The following CNTN5 variants were observed in gnomAD, a reference collection of about 807,000 sequenced individuals.
The protein encoded by CNTN5 is contactin-5.
CNTN5 carries 77 observed loss-of-function variants against 129.1 expected under a neutral mutation model. The observed-to-expected ratio is 0.60, with a 90% CI of 0.50 to 0.72. CNTN5 has a LOEUF of 0.72. Ranked by LOEUF, CNTN5 falls within the 30% of genes least tolerant of loss-of-function variation. The pLI is 0.00. For missense variants in CNTN5, 1,478 were observed against 1,328.8 expected (o/e 1.11, Z -1.75); for synonymous variants, 509 against 465.6 (o/e 1.09, Z -1.20).
At chr11:99,175,782 C>T (rs1857741406) in intron 1 of CNTN5, among the ~76,000 whole-genome samples, 1 of 152,054 alleles carries the variant, frequency 6.6e-6, no homozygotes, top group African/African-American at 2.4e-5. Context: ...TCTTTCTCAA[C>T]AATTTTAAAT....
At chr11:100,352,309 T>C (rs974691422) in intron 24 of CNTN5, among the ~76,000 whole-genome samples, 1 of 151,728 alleles carries the variant, frequency 6.6e-6, no homozygotes, top group African/African-American at 2.4e-5. Context: ...TGATAATTGA[T>C]AAGATTTGCA....
chr11:99,386,486 G>A lies in CNTN5; in HGVS notation c.-71+61002G>A, dbSNP rs190303460. 2.0e-4 allele frequency among the ~76,000 whole-genome samples: 30 copies of A among 152,078 alleles called. No individual in the cohort carries two copies. The East Asian group carries it at 4.7e-3, about 24-fold the overall frequency. The stretch of plus-strand genomic sequence containing the variant: ...ATTGCCATGGCATTTGTAAACTGTC[G>A]TGACACCGGTGGGAGTGTAGCAGTG... On this transcript the variant is annotated intron_variant, in intron 2 of 24. Coordinates refer to ENST00000524871, the MANE Select transcript of CNTN5 (RefSeq NM_014361.4).
At chr11:99,423,387 AG>A (rs1027272535) in intron 2 of CNTN5, among the ~76,000 whole-genome samples, 1 of 152,246 alleles carries the variant, frequency 6.6e-6, no homozygotes, top group African/African-American at 2.4e-5. Context: ...TACATTTCAA[AG>A]AGATGGCTCC....
chr11:99,992,602 TC>T (rs1350603442), intron 8 of CNTN5, among the ~76,000 whole-genome samples: 6 of 152,248 alleles, frequency 3.9e-5, no homozygotes, highest in African/African-American at 1.4e-4. Flanking sequence ...ATATTCATCA[TC>T]AGGCTTAGAG....
Position 100,299,204 on chromosome 11 carries a change from A to G in CNTN5, c.2428A>G (p.Ile810Val). The change falls in exon 20 of 25, where the codon ATT becomes GTT. Residue 810 changes from isoleucine (I) to valine (V), a missense_variant. Transcript: ENST00000524871. The part of the protein sequence containing the change: ...EFQNGEGFGY[I>V]VAFRPNGTRG... Reference sequence around the variant, plus strand: ...TCAGAATGGGGAAGGCTTCGGCTATATTGTGGCTTTCAGACCCAATGGAAC... The same window carrying G: ...TCAGAATGGGGAAGGCTTCGGCTATGTTGTGGCTTTCAGACCCAATGGAAC... The G allele has an allele frequency of 1.2e-6, 2 of 1,609,682 alleles. No individual in the cohort carries two copies. Among genetic ancestry groups the G allele is most frequent in the East Asian group, 2.2e-5 (1 of 44,734 alleles).
chr11:100,259,201 G>A (rs7116984), intron 17 of CNTN5, among the ~76,000 whole-genome samples: 2,787 of 151,996 alleles, frequency 0.018, 99 homozygotes, highest in African/African-American at 0.064. Flanking sequence ...GACAAAGAAG[G>A]GTATTACATA....
At chr11:99,904,447 C>T (rs1241706684) in intron 6 of CNTN5, among the ~76,000 whole-genome samples, 1 of 152,100 alleles carries the variant, frequency 6.6e-6, no homozygotes, top group African/African-American at 2.4e-5. Flanking sequence ...CAGCTTCATC[C>T]ATGTCCCTGC....
At chr11:99,083,003 G>A (rs554733990) in intron 1 of CNTN5, among the ~76,000 whole-genome samples, 2 of 151,074 alleles carry the variant, frequency 1.3e-5, no homozygotes, top group East Asian at 3.9e-4. Context: ...TCTTATTGAT[G>A]ATTTCCAAAA....
intron 17 of CNTN5, among the ~76,000 whole-genome samples, chr11:100,257,849 G>T (rs986926760): frequency 7.2e-4 from 110 of 152,214 alleles, no homozygotes; most frequent in African/African-American, 1.9e-3. Context: ...AGCACAAAAA[G>T]GCTGAAAATT....
intron 15 of CNTN5, among the ~76,000 whole-genome samples, chr11:100,209,017 A>G (rs975622190): frequency 1.3e-5 from 2 of 152,202 alleles, no homozygotes; most frequent in African/African-American, 4.8e-5. Context: ...ATTTCAAGAC[A>G]GGAATCTCCA....
intron 8 of CNTN5, among the ~76,000 whole-genome samples, chr11:99,994,029 A>T (rs9943548): frequency 0.26 from 39,670 of 151,998 alleles, 5,235 homozygotes; most frequent in East Asian, 0.37. Context: ...TCTTGGGGCC[A>T]GAAGTGAGGC....
At chr11:99,141,611 T>C (rs1591265280) in intron 1 of CNTN5, among the ~76,000 whole-genome samples, 1 of 152,316 alleles carries the variant, frequency 6.6e-6, no homozygotes, top group Non-Finnish European at 1.5e-5. Context: ...ATTTGAGATC[T>C]TTATAAATTT....
chr11:99,137,258 T>A (rs1323803262), intron 1 of CNTN5, among the ~76,000 whole-genome samples: 3 of 152,188 alleles, frequency 2.0e-5, no homozygotes, highest in African/African-American at 7.2e-5. Flanking sequence ...TTCTACTGTT[T>A]AAATTTAAGC....
chr11:100,142,336 A>C (rs1363768512), intron 13 of CNTN5, among the ~76,000 whole-genome samples: 2 of 152,072 alleles, frequency 1.3e-5, no homozygotes, highest in African/African-American at 4.8e-5. Context: ...CTGTCTGCCT[A>C]TCTGTCTATC....
At chr11:100,295,062 G>A (rs1951074071) in intron 18 of CNTN5, among the ~76,000 whole-genome samples, 1 of 151,514 alleles carries the variant, frequency 6.6e-6, no homozygotes, top group Non-Finnish European at 1.5e-5. Flanking sequence ...ATTATATCTA[G>A]TAAACTTTTT....
At chr11:99,841,461 G>T (rs1281272151) in intron 4 of CNTN5, among the ~76,000 whole-genome samples, 2 of 151,982 alleles carry the variant, frequency 1.3e-5, no homozygotes, top group Non-Finnish European at 2.9e-5. Context: ...GAAGCTTGGA[G>T]TTTTCAGCTT....
intron 13 of CNTN5, among the ~76,000 whole-genome samples, chr11:100,090,182 C>G (rs370106892): frequency 6.6e-6 from 1 of 151,960 alleles, no homozygotes; most frequent in South Asian, 2.1e-4. Context: ...AGAAATTAGG[C>G]ATTGAAAGAA....
intron 2 of CNTN5, among the ~76,000 whole-genome samples, chr11:99,338,970 T>TGG (rs1866382911): frequency 9.1e-6 from 1 of 109,552 alleles, no homozygotes; most frequent in Non-Finnish European, 2.2e-5. Context: ...TGTGTGTGTT[T>TGG]GTGTGTGTGT....
intron 2 of CNTN5, among the ~76,000 whole-genome samples, chr11:99,340,271 A>T (rs1418334274): frequency 6.6e-6 from 1 of 152,180 alleles, no homozygotes; most frequent in Non-Finnish European, 1.5e-5. Flanking sequence ...AAAGATGTAA[A>T]ATAGTTAGCA....
Sources: gnomAD v4.1 joint callset for allele counts (sites outside exome capture counted in the v4.1 genomes callset) on GRCh38, gnomAD v4.1.1 for gene constraint, MANE v1.5 for transcripts, NCBI Gene and HGNC (gene_info 2026-07-23, HGNC 2026-07-21) for gene names.